DCAF16: variants seen among roughly 807,000 people sequenced by gnomAD.
DCAF16 encodes DDB1- and CUL4-associated factor 16.
In DCAF16, 10 loss-of-function variants were observed where a neutral mutation model predicts 17.3. That is an observed-to-expected ratio of 0.58 (90% CI 0.36 to 0.98). The LOEUF (loss-of-function observed/expected upper bound fraction) is 0.98, where lower values mean the gene tolerates loss of function less well. DCAF16 is among the 50% of genes least tolerant of loss of function. The probability of loss-of-function intolerance (pLI) is 0.01; values close to 1 mark genes in which losing one functional copy is unlikely to be tolerated. For missense variants in DCAF16, 249 were observed against 247.6 expected, an observed-to-expected ratio of 1.01 and a Z score of -0.04; for synonymous variants, 111 against 92.8, an observed-to-expected ratio of 1.20 and a Z score of -1.12.
rs1051470252 is a variant in DCAF16 at position 17,802,477 on chromosome 4, A to C, written c.*1014T>G. On this transcript the variant is annotated 3_prime_UTR_variant, in exon 3 of 3. Transcript: ENST00000382247. ...TTTGTAGTAGTATAGGCTAGGCTTA[A>C]AACTGCACTCCTCCTGCCTCCCCGC... 2 of 152,082 alleles carry C rather than the reference A, an allele frequency of 1.3e-5. No homozygotes were observed. The highest frequency in any genetic ancestry group is 2.9e-5 in the Non-Finnish European group (2 of 68,022). 9.4% of individuals were successfully genotyped at this position (152,082 alleles called of 1,614,324 possible). A position where few individuals can be genotyped will look rare whatever the true frequency, so the allele number is the denominator to read the frequency against.
chr4:17,808,030 T>C (rs1440072254), intron 1 of DCAF16, among the ~76,000 whole-genome samples: 2 of 152,220 alleles, frequency 1.3e-5, no homozygotes, highest in Non-Finnish European at 2.9e-5. Context: ...ACAAGCATGT[T>C]CTATTTTACT....
downstream of DCAF16, among the ~76,000 whole-genome samples, chr4:17,796,353 TG>T (rs1385305980): frequency 9.9e-5 from 15 of 152,014 alleles, no homozygotes; most frequent in African/African-American, 3.4e-4. Flanking sequence ...GAGTATTTTT[TG>T]TTTTTAAAGA....
In DCAF16 at chr4:17,804,352, G is replaced by T; in HGVS notation, c.-211C>A. 1 of 578,840 alleles carries T rather than the reference G, an allele frequency of 1.7e-6. No individual in the cohort carries two copies. The highest frequency in any genetic ancestry group is 3.1e-6 in the Non-Finnish European group (1 of 318,456). 35.9% of individuals were successfully genotyped at this position (578,840 alleles called of 1,614,324 possible). Reference sequence around the variant, plus strand: ...TTGTATATTCTTCACTTACAAAGAAGACATCTCAGTTTCCAGGACCAGTTC... The same window carrying T: ...TTGTATATTCTTCACTTACAAAGAATACATCTCAGTTTCCAGGACCAGTTC... On this transcript the variant is annotated 5_prime_UTR_variant, in exon 3 of 3. Transcript: ENST00000382247.
At chr4:17,804,799 G>T in intron 2 of DCAF16, 28 bp from the exon 3 acceptor site, 1 of 167,404 alleles carries the variant, frequency 6.0e-6, no homozygotes. Context: ...AAGCCTGAAA[G>T]CACTGGATAA....
At chr4:17,798,423 T>C (rs1391726585), downstream of DCAF16, among the ~76,000 whole-genome samples, 1 of 150,290 alleles carries the variant, frequency 6.7e-6, no homozygotes, top group Non-Finnish European at 1.5e-5. Context: ...TGAGTGAAAC[T>C]GCCTCTACAA....
intron 1 of DCAF16, among the ~76,000 whole-genome samples, chr4:17,806,736 G>A (rs1720362892): frequency 6.6e-6 from 1 of 152,086 alleles, no homozygotes; most frequent in South Asian, 2.1e-4. Context: ...CAAATGAACT[G>A]TTTAAACAGT....
In DCAF16 at chr4:17,803,694, T is replaced by G; in HGVS notation, c.448A>C (p.Lys150Gln). The G allele has an allele frequency of 6.2e-7, 1 of 1,614,190 alleles. No individual in the cohort carries two copies. Among genetic ancestry groups the G allele is most frequent in the African/African-American group, 1.3e-5 (1 of 75,048 alleles). Reference protein sequence around the residue: ...TLNGALQFATKQLSRTLSRAT... With the variant: ...TLNGALQFATQQLSRTLSRAT... ...CTACTCAATGTTCGGCTTAGCTGTTTGGTGGCAAATTGCAGTGCTCCATTT... is the reference window on the plus strand; with the variant it reads ...CTACTCAATGTTCGGCTTAGCTGTTGGGTGGCAAATTGCAGTGCTCCATTT... The change falls in exon 3 of 3, where the codon AAA becomes CAA. Residue 150 changes from lysine (K) to glutamine (Q), a missense_variant. By Grantham distance (53) the Lys-to-Gln change is moderately conservative (BLOSUM62 1). Transcript: ENST00000382247.
chr4:17,803,293 G>A lies in DCAF16; in HGVS notation c.*198C>T. 1.7e-6 allele frequency: 1 copy of A among 577,014 alleles called. No individual in the cohort carries two copies. Among genetic ancestry groups the A allele is most frequent in the African/African-American group, 1.9e-5 (1 of 53,328 alleles). The allele number at this position is 577,014 out of a possible 1,614,324, so 35.7% of individuals were successfully genotyped here. ...ACCCGCCTCAGCCTCCCAAAGTGCT[G>A]GGATTACAGGTGTGAGCCACCATGC... is the stretch of plus-strand genomic sequence containing the variant. On this transcript the variant is annotated 3_prime_UTR_variant, in exon 3 of 3. Transcript: ENST00000382247.
intron 1 of DCAF16, among the ~76,000 whole-genome samples, chr4:17,807,147 A>G (rs1720406105): frequency 6.6e-6 from 1 of 152,214 alleles, no homozygotes; most frequent in Admixed American, 6.5e-5. Flanking sequence ...TTAGTTAAAT[A>G]TAATACAGAA....
At chr4:17,799,543 C>T (rs1305592828), downstream of DCAF16, among the ~76,000 whole-genome samples, 2 of 152,222 alleles carry the variant, frequency 1.3e-5, no homozygotes, top group African/African-American at 4.8e-5. Flanking sequence ...TATTCTCTAA[C>T]ACTGGAGCCA....
rs962420183 is a variant in DCAF16 at position 17,802,193 on chromosome 4, T to C, written c.*1298A>G. The C allele has an allele frequency of 6.6e-6, 1 of 152,484 alleles. No homozygotes were observed. Among genetic ancestry groups the C allele is most frequent in the Non-Finnish European group, 1.5e-5 (1 of 68,016 alleles). The allele number at this position is 152,484 out of a possible 1,614,324, so 9.4% of individuals were successfully genotyped here. On this transcript the variant is annotated 3_prime_UTR_variant, in exon 3 of 3. Transcript: ENST00000382247. ...TGAGCTTTTACTCCAGGAAATGCTA[T>C]ACAGATTAAAATTTTAATCCATTAG...
At chr4:17,799,233 A>G (rs991706864), downstream of DCAF16, among the ~76,000 whole-genome samples, 2 of 152,262 alleles carry the variant, frequency 1.3e-5, no homozygotes, top group East Asian at 3.9e-4. Flanking sequence ...TTATACTTGG[A>G]TGGCTGCTCC....
At position 17,802,803 on chromosome 4, in the gene DCAF16, T is replaced by C. The variant is rs1470551710; in HGVS notation, c.*688A>G. The C allele has an allele frequency of 1.3e-5, 2 of 152,140 alleles. No individual in the cohort carries two copies. The highest frequency in any genetic ancestry group is 4.8e-5 in the African/African-American group (2 of 41,418). 9.4% of individuals were successfully genotyped at this position (152,140 alleles called of 1,614,324 possible). ...CACAGAAATGTATGTTAGAGAAGAG[T>C]ATGCTCAGAAAGGTATTATTGTGGG... On this transcript the variant is annotated 3_prime_UTR_variant, in exon 3 of 3. Coordinates refer to ENST00000382247, the MANE Select transcript of DCAF16 (RefSeq NM_017741.4).
rs1192071321 is a variant in DCAF16 at position 17,802,593 on chromosome 4, C to T, written c.*898G>A. Reference sequence around the variant, plus strand: ...TAAAAGCTGGGAAAGAAATTCATATCCCTGCCATTTTCCTTTGTGTAGTTA... The same window carrying T: ...TAAAAGCTGGGAAAGAAATTCATATTCCTGCCATTTTCCTTTGTGTAGTTA... On this transcript the variant is annotated 3_prime_UTR_variant, in exon 3 of 3. Coordinates refer to ENST00000382247, the MANE Select transcript of DCAF16 (RefSeq NM_017741.4). 1 of 151,258 alleles carries T rather than the reference C, an allele frequency of 6.6e-6. No homozygotes were observed. Among genetic ancestry groups the T allele is most frequent in the Non-Finnish European group, 1.5e-5 (1 of 67,890 alleles). 9.4% of individuals were successfully genotyped at this position (151,258 alleles called of 1,614,324 possible). A position where few individuals can be genotyped will look rare whatever the true frequency, so the allele number is the denominator to read the frequency against.
At chr4:17,809,656 C>T (rs1283085008) in intron 1 of DCAF16, 1 of 152,120 alleles carries the variant, frequency 6.6e-6, no homozygotes, top group Non-Finnish European at 1.5e-5. Context: ...GGCTTCCCTC[C>T]ATCCTCCTAG....
chr4:17,810,288 C>G (rs1253120673), intron 1 of DCAF16, among the ~76,000 whole-genome samples, 159 bp downstream of exon 1: 1 of 152,220 alleles, frequency 6.6e-6, no homozygotes, highest in Non-Finnish European at 1.5e-5. Flanking sequence ...GTAAACAGGG[C>G]CTACACAGCT....
At chr4:17,793,954 A>G in the DCAF16 span, among the ~76,000 whole-genome samples, 1 of 152,170 alleles carries the variant, frequency 6.6e-6, no homozygotes, top group Non-Finnish European at 1.5e-5. Context: ...TTGCAAGTAA[A>G]TAAAAATTCA....
At chr4:17,796,749 C>G (rs1037252638), downstream of DCAF16, among the ~76,000 whole-genome samples, 1 of 152,122 alleles carries the variant, frequency 6.6e-6, no homozygotes, top group Non-Finnish European at 1.5e-5. Flanking sequence ...GCTGTTGAGA[C>G]AGCATTTAAA....
chr4:17,806,434 T>C (rs1418334934), intron 1 of DCAF16, among the ~76,000 whole-genome samples: 1 of 152,070 alleles, frequency 6.6e-6, no homozygotes, highest in Non-Finnish European at 1.5e-5. Context: ...TACTAACTTT[T>C]ATACCAGCAA....
Sources: gnomAD v4.1 joint callset for allele counts (sites outside exome capture counted in the v4.1 genomes callset) on GRCh38, gnomAD v4.1.1 for gene constraint, MANE v1.5 for transcripts, NCBI Gene and HGNC (gene_info 2026-07-23, HGNC 2026-07-21) for gene names.